RORA: variants seen among roughly 807,000 people sequenced by gnomAD.
The protein encoded by RORA is nuclear receptor ROR-alpha.
Under a neutral mutation model 69.5 loss-of-function variants are expected in RORA, and 7 were observed. The ratio of observed to expected loss-of-function variants is 0.10; its 90% CI spans 0.06 to 0.19. The LOEUF (loss-of-function observed/expected upper bound fraction) is 0.19, where lower values mean the gene tolerates loss of function less well. Among genes scored for constraint, RORA ranks in the 10% least tolerant of loss-of-function variants. The probability of loss-of-function intolerance (pLI) is 1.00; values close to 1 mark genes in which losing one functional copy is unlikely to be tolerated. For missense variants in RORA, 457 were observed against 663.0 expected (o/e 0.69, Z 3.41); for synonymous variants, 261 against 240.8 (o/e 1.08, Z -0.78).
intron 1 of RORA, among the ~76,000 whole-genome samples, chr15:60,985,861 T>C (rs1197745142): frequency 6.6e-6 from 1 of 152,186 alleles, no homozygotes; most frequent in Admixed American, 6.5e-5. Flanking sequence ...ATTACAGGTG[T>C]GAGCCAACGC....
intron 1 of RORA, among the ~76,000 whole-genome samples, chr15:61,013,764 C>G (rs1398660869): frequency 6.8e-6 from 1 of 146,798 alleles, no homozygotes; most frequent in Admixed American, 6.8e-5. Context: ...TTACTATAGC[C>G]AAGAACTGGG....
At chr15:60,653,171 C>G (rs979671079) in intron 2 of RORA, among the ~76,000 whole-genome samples, 3 of 152,314 alleles carry the variant, frequency 2.0e-5, no homozygotes, top group South Asian at 4.1e-4. Context: ...AGCCTGCAGA[C>G]AAATCTCAAC....
intron 1 of RORA, among the ~76,000 whole-genome samples, chr15:60,792,077 A>G (rs1163189299): frequency 6.6e-6 from 1 of 152,202 alleles, no homozygotes; most frequent in Non-Finnish European, 1.5e-5. Flanking sequence ...ATGAACAGAT[A>G]TGGGACTTCA....
At chr15:61,073,100 A>G (rs1256187646) in intron 1 of RORA, among the ~76,000 whole-genome samples, 1 of 152,242 alleles carries the variant, frequency 6.6e-6, no homozygotes, top group Non-Finnish European at 1.5e-5. Flanking sequence ...AAAGAAGCTG[A>G]GAAAGAGCAG....
chr15:60,662,127 CATTA>C (rs2070312407), intron 2 of RORA, among the ~76,000 whole-genome samples: 1 of 152,182 alleles, frequency 6.6e-6, no homozygotes, highest in Non-Finnish European at 1.5e-5. Flanking sequence ...TGTGCTTTAT[CATTA>C]ATTATTTCTG....
chr15:61,177,999 A>G (rs535763000), intron 1 of RORA, among the ~76,000 whole-genome samples: 95 of 152,104 alleles, frequency 6.2e-4, no homozygotes, highest in Non-Finnish European at 1.0e-3. Context: ...GAAAGGAGAA[A>G]AAGAAGGAAA....
chr15:60,860,318 A>G (rs917944953), intron 1 of RORA, among the ~76,000 whole-genome samples: 1 of 152,202 alleles, frequency 6.6e-6, no homozygotes, highest in Non-Finnish European at 1.5e-5. Flanking sequence ...GCAGATGCAT[A>G]ATTTTCTCAT....
At chr15:61,049,821 G>A (rs755945121) in intron 1 of RORA, among the ~76,000 whole-genome samples, 3 of 151,932 alleles carry the variant, frequency 2.0e-5, no homozygotes, top group Non-Finnish European at 2.9e-5. Flanking sequence ...CACCACACCC[G>A]GCTAATTTTT....
At chr15:60,625,022 G>C (rs1190773222) in intron 2 of RORA, among the ~76,000 whole-genome samples, 1 of 152,152 alleles carries the variant, frequency 6.6e-6, no homozygotes, top group Non-Finnish European at 1.5e-5. Flanking sequence ...GAAAACACTT[G>C]CCCAAGAACT....
chr15:60,741,689 C>T (rs866331513), intron 1 of RORA, among the ~76,000 whole-genome samples: 39 of 152,268 alleles, frequency 2.6e-4, no homozygotes, highest in Middle Eastern at 6.8e-3. Context: ...GCATGGGAGC[C>T]GCACCTCATT....
intron 2 of RORA, among the ~76,000 whole-genome samples, chr15:60,589,189 G>A (rs1194441363): frequency 6.6e-6 from 1 of 152,166 alleles, no homozygotes; most frequent in African/African-American, 2.4e-5. Flanking sequence ...ATCAGAGATC[G>A]AATTCTAATT....
intron 1 of RORA, among the ~76,000 whole-genome samples, chr15:60,752,179 A>G (rs2071733526): frequency 6.6e-6 from 1 of 152,202 alleles, no homozygotes. Flanking sequence ...AACATCAGGC[A>G]GAGAGAAGCG....
chr15:61,225,851 T>C (rs911028712), intron 1 of RORA, among the ~76,000 whole-genome samples: 9 of 152,208 alleles, frequency 5.9e-5, no homozygotes, highest in Non-Finnish European at 8.8e-5. Context: ...TTCCGCTTCA[T>C]TCCTACTTCC....
chr15:60,916,868 G>A (rs1215473618), intron 1 of RORA, among the ~76,000 whole-genome samples: 3 of 152,198 alleles, frequency 2.0e-5, no homozygotes, highest in Non-Finnish European at 1.5e-5. Flanking sequence ...ACATGCTGAT[G>A]TTTCGCTTAG....
intron 1 of RORA, among the ~76,000 whole-genome samples, chr15:61,028,489 T>C (rs968491959): frequency 2.0e-5 from 3 of 152,172 alleles, no homozygotes; most frequent in African/African-American, 7.2e-5. Flanking sequence ...TGTTAGAATA[T>C]CATGGTGAGT....
intron 1 of RORA, among the ~76,000 whole-genome samples, chr15:60,811,930 T>C (rs2072750146): frequency 1.3e-5 from 2 of 152,250 alleles, no homozygotes; most frequent in African/African-American, 4.8e-5. Flanking sequence ...TGAATCATTT[T>C]CATATTCATT....
At chr15:60,858,952 GA>G (rs2073409056) in intron 1 of RORA, among the ~76,000 whole-genome samples, 2 of 151,818 alleles carry the variant, frequency 1.3e-5, no homozygotes, top group South Asian at 4.2e-4. Flanking sequence ...CTTGCCACAG[GA>G]ATGTTCTGTG....
intron 1 of RORA, among the ~76,000 whole-genome samples, chr15:61,029,253 A>G (rs973330354): frequency 2.0e-5 from 3 of 152,170 alleles, no homozygotes; most frequent in African/African-American, 7.2e-5. Context: ...CAAGCTGAGG[A>G]GCAAAGCTCC....
At position 60,534,967 on chromosome 15, in the gene RORA, T is replaced by C. The variant is rs2066633069; in HGVS notation, c.197-3116A>G. Among the ~76,000 whole-genome samples, 2 of 152,174 alleles carry C rather than the reference T, an allele frequency of 1.3e-5. No individual in the cohort carries two copies. Among genetic ancestry groups the C allele is most frequent in the African/African-American group, 4.8e-5 (2 of 41,438 alleles). ...GCAAATTTTTCAAAAGGAGGCAGTT[T>C]AGTTTTGTCAATTTGAGTTTTCAGT... is the stretch of plus-strand genomic sequence containing the variant. On this transcript the variant is annotated intron_variant, in intron 2 of 10. Coordinates refer to ENST00000335670, the MANE Select transcript of RORA (RefSeq NM_134261.3). The surrounding 1 kb of genome is among the most constrained non-coding windows in gnomAD (Gnocchi z 5.0).
Sources: allele counts gnomAD v4.1 joint callset (sites outside exome capture counted in the v4.1 genomes callset), GRCh38; gene constraint gnomAD v4.1.1; non-coding constraint Gnocchi (gnomAD v3.1); transcripts MANE v1.5; gene names NCBI Gene and HGNC (gene_info 2026-07-23, HGNC 2026-07-21).